Variants in L1TD1 observed in about 807,000 individuals in gnomAD.
L1TD1 encodes the protein LINE-1 type transposase domain-containing protein 1.
L1TD1 carries 26 observed loss-of-function variants against 25.7 expected under a neutral mutation model. The observed-to-expected ratio is 1.01, with a 90% CI of 0.74 to 1.40. The LOEUF is 1.40. Ranked by LOEUF, L1TD1 falls within the 40% of genes most tolerant of loss-of-function variation. L1TD1 has a pLI of 0.00. For missense variants in L1TD1, 1,130 were observed against 975.0 expected, an observed-to-expected ratio of 1.16 and a Z score of -2.12; for synonymous variants, 421 against 335.6, an observed-to-expected ratio of 1.25 and a Z score of -2.78.
rs1259963776 is a variant in L1TD1, at chr1:62,205,434, TATA to T, written c.-110-1084_-110-1082del. ...CTCTCTCTCTATATATATATATATA[TATA>T]TATATATTTTTTTTTAGACAGTCTT... On this transcript the variant is annotated intron_variant, in intron 2 of 3. Coordinates refer to ENST00000498273, the MANE Select transcript of L1TD1 (RefSeq NM_019079.5). Among the ~76,000 whole-genome samples, 142 of 73,638 alleles carry T rather than the reference TATA, an allele frequency of 1.9e-3. 4 individuals are homozygous for T. Among genetic ancestry groups the T allele is most frequent in the South Asian group, 4.5e-3 (10 of 2,218 alleles). 48.3% of individuals were successfully genotyped at this position (73,638 alleles called of 152,430 possible).
intron 3 of L1TD1, among the ~76,000 whole-genome samples, chr1:62,209,072 A>G (rs1670807771): frequency 6.6e-6 from 1 of 152,180 alleles, no homozygotes; most frequent in Non-Finnish European, 1.5e-5. Context: ...TATTGCAGAC[A>G]TCATCAGAAG....
chr1:62,208,635 C>T (rs1247667020), intron 3 of L1TD1, among the ~76,000 whole-genome samples: 2 of 152,078 alleles, frequency 1.3e-5, no homozygotes, highest in Non-Finnish European at 2.9e-5. Flanking sequence ...TGCACTACCA[C>T]ACCCAGCTAA....
rs577436637 is a variant in L1TD1, at chr1:62,209,629, G to A, written c.1009-154G>A. ...AGACTTGACTTGTTTGGGGACCTAG[G>A]CCTTCAAGAACAATTAATATTTAAG... On this transcript the variant is annotated intron_variant, in intron 3 of 3. Coordinates refer to ENST00000498273, the MANE Select transcript of L1TD1 (RefSeq NM_019079.5). Among the ~76,000 whole-genome samples, 3 of 152,210 alleles carry A rather than the reference G, an allele frequency of 2.0e-5. No homozygotes were observed. In the South Asian group the frequency reaches 6.2e-4, roughly 32 times the overall value.
chr1:62,200,463 G>A (rs1041432783), intron 2 of L1TD1, among the ~76,000 whole-genome samples: 4 of 152,056 alleles, frequency 2.6e-5, no homozygotes, highest in Admixed American at 6.6e-5. Flanking sequence ...GAGCCACTGT[G>A]CCTGGCCATA....
chr1:62,206,898 A>T lies in L1TD1; in HGVS notation c.270A>T (p.Val90=). 6.2e-7 allele frequency: 1 copy of T among 1,613,880 alleles called. No individual in the cohort carries two copies. Among genetic ancestry groups the T allele is most frequent in the Non-Finnish European group, 8.5e-7 (1 of 1,179,920 alleles). The change falls in exon 3 of 4, where the codon GTA becomes GTT. Residue 90 remains valine, a synonymous_variant. Transcript: ENST00000498273. ...GGGGAAAAGCTACAATACCTGAGGT[A>T]AAGAATTCAGAGAACTCCAGTAGTA... The part of the protein sequence containing the change: ...VLGGKATIPE[V]KNSENSSSRT...
At chr1:62,196,773 A>T (rs924720088) in intron 2 of L1TD1, among the ~76,000 whole-genome samples, 3 of 152,040 alleles carry the variant, frequency 2.0e-5, no homozygotes, top group Non-Finnish European at 4.4e-5. Context: ...TTGTATTTTT[A>T]GTAGAGACGG....
At position 62,211,654 on chromosome 1, in the gene L1TD1, T is replaced by G; in HGVS notation, c.*282T>G. 1.1e-5 allele frequency: 3 copies of G among 269,960 alleles called. No individual in the cohort carries two copies. Among genetic ancestry groups the G allele is most frequent in the Non-Finnish European group, 2.0e-5 (3 of 146,928 alleles). 16.7% of individuals were successfully genotyped at this position (269,960 alleles called of 1,614,324 possible). A position where few individuals can be genotyped will look rare whatever the true frequency, so the allele number is the denominator to read the frequency against. ...CCCCCCACCACCTCCCTACTGCAGT[T>G]GACTAGTCTTTTTAGAATTTATATT... On this transcript the variant is annotated 3_prime_UTR_variant, in exon 4 of 4. Transcript: ENST00000498273.
rs1670775932 is a variant in L1TD1, at chr1:62,207,537, C to T, written c.909C>T (p.Ala303=). Residue 303 remains alanine (A), a synonymous_variant, in exon 3 of 4, where the codon GCC becomes GCT. Transcript: ENST00000498273. The part of the protein sequence containing the change: ...FSDLQSLRKF[A]SQKSSVKELL... ...ATCTGCAAAGCCTTAGAAAATTTGC[C>T]AGCCAAAAATCTTCTGTGAAAGAAT... 3.9e-6 allele frequency: 6 copies of T among 1,551,044 alleles called. No individual in the cohort carries two copies. Among genetic ancestry groups the T allele is most frequent in the Non-Finnish European group, 5.2e-6 (6 of 1,146,830 alleles).
rs1422535428 is a variant in L1TD1, at chr1:62,212,207, A to G, written c.*835A>G. On this transcript the variant is annotated 3_prime_UTR_variant, in exon 4 of 4. Transcript: ENST00000498273. ...CACTTGAGCCCAAGAGTTCAAGGCC[A>G]TCCTGGGCAATGTGGCGAAAGTGTC... 2 of 152,148 alleles carry G rather than the reference A, an allele frequency of 1.3e-5. No homozygotes were observed. Among genetic ancestry groups the G allele is most frequent in the Non-Finnish European group, 2.9e-5 (2 of 68,038 alleles). 9.4% of individuals were successfully genotyped at this position (152,148 alleles called of 1,614,324 possible). A position where few individuals can be genotyped will look rare whatever the true frequency, so the allele number is the denominator to read the frequency against.
rs766564924 is a variant in L1TD1, at chr1:62,210,563, C to T, written c.1789C>T (p.Leu597=). ...KKTEEKKHRT[L]HTEELTSKEA... ...AACAGAAGAAAAGAAACACAGAACT[C>T]TGCACACAGAAGAACTAACATCCAA... Residue 597 remains leucine, a synonymous_variant, in exon 4 of 4, where the codon CTG becomes TTG. Transcript: ENST00000498273. 6.2e-7 allele frequency: 1 copy of T among 1,613,236 alleles called. No individual in the cohort carries two copies. The highest frequency in any genetic ancestry group is 1.7e-5 in the Admixed American group (1 of 59,790).
chr1:62,210,158 A>G lies in L1TD1; in HGVS notation c.1384A>G (p.Ser462Gly), dbSNP rs28611445. Residue 462 changes from serine (S) to glycine (G), a missense_variant, in exon 4 of 4, where the codon AGT becomes GGT. Ser to Gly is a moderately conservative substitution (Grantham distance 56, BLOSUM62 0). Coordinates refer to ENST00000498273, the MANE Select transcript of L1TD1 (RefSeq NM_019079.5). Reference protein sequence around the residue: ...VDAKHEVEITSDGMETTFIDS... With the variant: ...VDAKHEVEITGDGMETTFIDS... The stretch of plus-strand genomic sequence containing the variant: ...TGCAAAGCATGAAGTTGAGATAACC[A>G]GTGATGGCATGGAAACTACTTTCAT... 1.2e-5 allele frequency: 19 copies of G among 1,614,024 alleles called. No homozygotes were observed. Among genetic ancestry groups the G allele is most frequent in the Non-Finnish European group, 1.6e-5 (19 of 1,180,052 alleles).
intron 2 of L1TD1, among the ~76,000 whole-genome samples, chr1:62,200,463 G>C (rs1041432783): frequency 1.3e-5 from 2 of 152,056 alleles, no homozygotes; most frequent in African/African-American, 4.8e-5. Flanking sequence ...GAGCCACTGT[G>C]CCTGGCCATA....
rs758775524 is a variant in L1TD1, at chr1:62,211,280, A to G, written c.2506A>G (p.Lys836Glu). The G allele has an allele frequency of 1.2e-6, 2 of 1,612,174 alleles. No individual in the cohort carries two copies. The highest frequency in any genetic ancestry group is 8.5e-7 in the Non-Finnish European group (1 of 1,178,878). Residue 836 changes from lysine (K) to glutamate (E), a missense_variant, in exon 4 of 4, where the codon AAA becomes GAA. Transcript: ENST00000498273. The part of the protein sequence containing the change: ...PAKMAFDFRG[K>E]TKVFLSIEEF... ...CAAAATGGCATTTGATTTTAGGGGT[A>G]AAACAAAGGTATTTCTTAGTATTGA...
At chr1:62,201,754 T>G (rs1670644254) in intron 2 of L1TD1, among the ~76,000 whole-genome samples, 1 of 152,168 alleles carries the variant, frequency 6.6e-6, no homozygotes, top group South Asian at 2.1e-4. Context: ...TTCCTCAATA[T>G]TTAATAATCA....
chr1:62,207,099 T>G lies in L1TD1; in HGVS notation c.471T>G (p.Gly157=). The G allele has an allele frequency of 6.2e-7, 1 of 1,610,058 alleles. No individual in the cohort carries two copies. The highest frequency in any genetic ancestry group is 1.1e-5 in the South Asian group (1 of 90,674). The change falls in exon 3 of 4, where the codon GGT becomes GGG. Residue 157 remains glycine (G), a synonymous_variant. Transcript: ENST00000498273. ...CTAACGAATACAATAGTAATGATGG[T>G]AAGAAATTACCCCAGGGTGAATCAC... The part of the protein sequence containing the change: ...DNTNEYNSND[G]KKLPQGESRS...
intron 2 of L1TD1, among the ~76,000 whole-genome samples, chr1:62,198,845 CT>C (rs528785206): frequency 7.8e-4 from 114 of 145,870 alleles, no homozygotes; most frequent in East Asian, 7.9e-4. Flanking sequence ...TCCCTAATCA[CT>C]TTTTTTTTTT....
intron 2 of L1TD1, among the ~76,000 whole-genome samples, chr1:62,203,696 A>T (rs1670685258): frequency 1.3e-5 from 2 of 152,188 alleles, no homozygotes; most frequent in Non-Finnish European, 2.9e-5. Context: ...CTCCTGCCTC[A>T]GCCTCCCAAG....
chr1:62,210,013 G>A lies in L1TD1; in HGVS notation c.1239G>A (p.Leu413=). 2 of 1,600,020 alleles carry A rather than the reference G, an allele frequency of 1.2e-6. No individual in the cohort carries two copies. Among genetic ancestry groups the A allele is most frequent in the African/African-American group, 2.7e-5 (2 of 74,388 alleles). ...LEEEEEEPSG[L]EEEEEEEASG... ...AGGAGGAGGAAGAGCCCTCAGGGCT[G>A]GAGGAGGAAGAAGAAGAAGAGGCTT... Residue 413 remains leucine, a synonymous_variant, in exon 4 of 4, where the codon CTG becomes CTA. Transcript: ENST00000498273.
At chr1:62,202,576 AATTTTTT>A (rs1231599573) in intron 2 of L1TD1, among the ~76,000 whole-genome samples, 1 of 142,746 alleles carries the variant, frequency 7.0e-6, no homozygotes, top group South Asian at 2.2e-4. Context: ...GTTCATTTAA[AATTTTTT>A]ATTTTTTATT....
Sources: gnomAD v4.1 joint callset for allele counts (sites outside exome capture counted in the v4.1 genomes callset) on GRCh38, gnomAD v4.1.1 for gene constraint, MANE v1.5 for transcripts, NCBI Gene and HGNC (gene_info 2026-07-23, HGNC 2026-07-21) for gene names.